The following UNC13B variants were observed in gnomAD, a reference collection of about 807,000 sequenced individuals.
The protein encoded by UNC13B is protein unc-13 homolog B.
A neutral mutation model predicts 211.0 loss-of-function variants in UNC13B; 144 were observed. That is an observed-to-expected ratio of 0.68 (90% CI 0.60 to 0.78). The LOEUF (loss-of-function observed/expected upper bound fraction) is 0.78. UNC13B is among the 30% of genes least tolerant of loss of function. The pLI, the probability that UNC13B is intolerant of heterozygous loss-of-function variation, is 0.00. For synonymous variants in UNC13B, 709 were observed against 725.8 expected, an observed-to-expected ratio of 0.98 and a Z score of 0.37; for missense variants, 1,777 against 2,002.0, an observed-to-expected ratio of 0.89 and a Z score of 2.14.
chr9:35,328,254 C>A (rs1159808594), intron 11 of UNC13B, among the ~76,000 whole-genome samples: 1 of 152,118 alleles, frequency 6.6e-6, no homozygotes, highest in African/African-American at 2.4e-5. Flanking sequence ...GAATTCCTGA[C>A]CTCAGGTGAT....
Position 35,382,380 on chromosome 9 carries a change from A to T in UNC13B, c.10679A>T (p.Lys3560Met). ...AGGCACTTTGCATGTTTATCATCCA[A>T]GTACATGTGTCCTGGTGTGCCAGCA... ...AMTHFACLSS[K>M]YMCPGVPAVM... The change falls in exon 21 of 40, where the codon AAG becomes ATG. Residue 3560 changes from lysine to methionine, a missense_variant. Physicochemically the swap from Lys to Met is moderately conservative, Grantham distance 95. Transcript: ENST00000635942. 6.2e-7 allele frequency: 1 copy of T among 1,613,482 alleles called. No individual in the cohort carries two copies. Among genetic ancestry groups the T allele is most frequent in the East Asian group, 2.2e-5 (1 of 44,866 alleles).
rs147375465 is a variant in UNC13B, at chr9:35,398,589, G to A, written c.11868G>A (p.Leu3956=). 1.5e-5 allele frequency: 24 copies of A among 1,614,032 alleles called. No individual in the cohort carries two copies. The highest frequency in any genetic ancestry group is 1.9e-5 in the Non-Finnish European group (22 of 1,180,018). The change falls in exon 32 of 40, where the codon CTG becomes CTA. Residue 3956 remains leucine, a synonymous_variant. Transcript: ENST00000635942. ...AAGCTGCAGACAGTCTGAAGGAGCT[G>A]CAGGTGAAACTGAATACGGTTCTGG... ...DLEAADSLKE[L]QVKLNTVLDE...
At chr9:35,295,544 T>C (rs1158692526) in intron 7 of UNC13B, 152 bp from the exon 8 acceptor site, 3 of 641,586 alleles carry the variant, frequency 4.7e-6, no homozygotes, top group South Asian at 1.9e-5. Flanking sequence ...ACAGTTCTGC[T>C]CATGGCTCTG....
At chr9:35,351,336 T>A in intron 11 of UNC13B, 2 of 1,223,462 alleles carry the variant, frequency 1.6e-6, no homozygotes, top group Non-Finnish European at 1.0e-6. Flanking sequence ...ATGTGCGAGG[T>A]TTGGAGGCCA....
Position 35,381,308 on chromosome 9 carries a change from G to A in UNC13B, c.10491+93G>A, listed in dbSNP as rs1834819989. 18 of 1,175,996 alleles carry A rather than the reference G, an allele frequency of 1.5e-5. No homozygotes were observed. In the South Asian group the frequency reaches 2.4e-4, roughly 16 times the overall value. 72.8% of individuals were successfully genotyped at this position (1,175,996 alleles called of 1,614,324 possible). A position where few individuals can be genotyped will look rare whatever the true frequency, so the allele number is the denominator to read the frequency against. On this transcript the variant is annotated intron_variant, in intron 19 of 39. Transcript: ENST00000635942. ...GATTGCTAGGTGGTTGGAATCCGAGGCCCATTTTAAATTTTATCCTTGATT... is the reference window on the plus strand; with the variant it reads ...GATTGCTAGGTGGTTGGAATCCGAGACCCATTTTAAATTTTATCCTTGATT...
chr9:35,275,365 A>C lies in UNC13B; in HGVS notation c.526+16315A>C, dbSNP rs184040056. Reference sequence around the variant, plus strand: ...TTAATTAAAATTAATTCATTTATTGAATAGGTAATATACTTTGTATAGGAG... The same window carrying C: ...TTAATTAAAATTAATTCATTTATTGCATAGGTAATATACTTTGTATAGGAG... On this transcript the variant is annotated intron_variant, in intron 7 of 39. Coordinates refer to ENST00000635942, the MANE Select transcript of UNC13B (RefSeq NM_001371189.2). 4.0e-3 allele frequency among the ~76,000 whole-genome samples: 611 copies of C among 152,290 alleles called. 2 individuals are homozygous for C. The highest frequency in any genetic ancestry group is 0.014 in the Middle Eastern group (4 of 294).
chr9:35,328,631 C>CCCTTCCCTTT (rs1487985389), intron 11 of UNC13B, among the ~76,000 whole-genome samples: 3 of 122,112 alleles, frequency 2.5e-5, no homozygotes, highest in African/African-American at 1.1e-4. Flanking sequence ...TTCCTTCCTT[C>CCCTTCCCTTT]CTTCCTTCCT....
chr9:35,214,377 A>G (rs1824138558), intron 1 of UNC13B, among the ~76,000 whole-genome samples: 1 of 152,186 alleles, frequency 6.6e-6, no homozygotes, highest in Non-Finnish European at 1.5e-5. Flanking sequence ...CAGTGAGTGG[A>G]GATCGCACCA....
At chr9:35,261,580 T>C (rs1214999550) in intron 7 of UNC13B, among the ~76,000 whole-genome samples, 2 of 152,182 alleles carry the variant, frequency 1.3e-5, no homozygotes. Context: ...AAATGGGGTA[T>C]CCATCACCTC....
chr9:35,363,787 A>T (rs907043151), intron 11 of UNC13B, among the ~76,000 whole-genome samples: 1 of 152,140 alleles, frequency 6.6e-6, no homozygotes, highest in East Asian at 1.9e-4. Flanking sequence ...TTATCCTGTT[A>T]TGGCTTGATC....
rs764610901 is a variant in UNC13B, at chr9:35,390,661, G to T, written c.11255G>T (p.Ser3752Ile). The T allele has an allele frequency of 1.9e-6, 3 of 1,614,156 alleles. No individual in the cohort carries two copies. Among genetic ancestry groups the T allele is most frequent in the Non-Finnish European group, 1.7e-6 (2 of 1,180,024 alleles). ...FPQELNVGKV[S>I]AEVMWHLFAQ... ...CAGGAGTTGAATGTGGGAAAAGTCAGCGCAGAAGTGATGTGGCATTTGTTT... is the reference window on the plus strand; with the variant it reads ...CAGGAGTTGAATGTGGGAAAAGTCATCGCAGAAGTGATGTGGCATTTGTTT... The change falls in exon 26 of 40, where the codon AGC becomes ATC. Residue 3752 changes from serine (S) to isoleucine (I), a missense_variant. Transcript: ENST00000635942.
At chr9:35,268,052 C>T (rs1297919517) in intron 7 of UNC13B, among the ~76,000 whole-genome samples, 1 of 152,180 alleles carries the variant, frequency 6.6e-6, no homozygotes, top group Non-Finnish European at 1.5e-5. Context: ...GAAAAGTACA[C>T]AGTTCACATC....
intron 13 of UNC13B, chr9:35,371,937 A>T (rs932893582): frequency 6.6e-6 from 1 of 152,624 alleles, no homozygotes; most frequent in African/African-American, 2.4e-5. Context: ...TACGCAGGCT[A>T]TGGTGAGTGT....
chr9:35,245,995 C>T (rs1405957265), intron 6 of UNC13B, among the ~76,000 whole-genome samples: 5 of 152,210 alleles, frequency 3.3e-5, no homozygotes, highest in Non-Finnish European at 7.3e-5. Context: ...TATTTCTCCA[C>T]ATCCTCTCCA....
intron 7 of UNC13B, chr9:35,291,150 C>T: frequency 6.6e-7 from 1 of 1,523,172 alleles, no homozygotes; most frequent in Non-Finnish European, 8.9e-7. Flanking sequence ...ATCTTACCCA[C>T]AAAGTACATA....
At chr9:35,320,566 C>G (rs531675341) in intron 11 of UNC13B, among the ~76,000 whole-genome samples, 1 of 152,282 alleles carries the variant, frequency 6.6e-6, no homozygotes, top group South Asian at 2.1e-4. Flanking sequence ...CAAAAATTCT[C>G]AGAGACTTTA....
Position 35,302,070 on chromosome 9 carries a change from A to C in UNC13B, c.2666A>C (p.Lys889Thr), listed in dbSNP as rs1829712319. 2.5e-6 allele frequency: 1 copy of C among 398,606 alleles called. No individual in the cohort carries two copies. The highest frequency in any genetic ancestry group is 4.4e-6 in the Non-Finnish European group (1 of 225,820). 24.7% of individuals were successfully genotyped at this position (398,606 alleles called of 1,614,324 possible). A position where few individuals can be genotyped will look rare whatever the true frequency, so the allele number is the denominator to read the frequency against. The change falls in exon 9 of 40, where the codon AAA (lysine) becomes ACA (threonine). Residue 889 changes from lysine to threonine, a missense_variant. Lys to Thr is a moderately conservative substitution (Grantham distance 78). Coordinates refer to ENST00000635942, the MANE Select transcript of UNC13B (RefSeq NM_001371189.2). ...AAAGGAAGCATTTTTCCTTTGTTTAAATTTTCTTTCACTGACAGCAAGGTT... is the reference window on the plus strand; with the variant it reads ...AAAGGAAGCATTTTTCCTTTGTTTACATTTTCTTTCACTGACAGCAAGGTT... The part of the protein sequence containing the change: ...KEKGSIFPLF[K>T]FSFTDSKVTV...
chr9:35,311,409 T>C (rs1227397285), intron 10 of UNC13B, among the ~76,000 whole-genome samples: 1 of 152,204 alleles, frequency 6.6e-6, no homozygotes, highest in African/African-American at 2.4e-5. Context: ...TTTCATCCAC[T>C]GGGGCTGTGG....
Position 35,313,944 on chromosome 9 carries a change from A to C in UNC13B, c.9369A>C (p.Ala3123=). The part of the protein sequence containing the change: ...NASSPFTQAR[A]HWIRAVTKVR... ...CTTCACCATTTACCCAAGCCAGAGCACATTGGATCCGAGCAGTTACCAAGG... is the reference window on the plus strand; with the variant it reads ...CTTCACCATTTACCCAAGCCAGAGCCCATTGGATCCGAGCAGTTACCAAGG... The change falls in exon 11 of 40, where the codon GCA becomes GCC. Residue 3123 remains alanine (A), a synonymous_variant. Transcript: ENST00000635942. 6.2e-7 allele frequency: 1 copy of C among 1,614,002 alleles called. No individual in the cohort carries two copies. Among genetic ancestry groups the C allele is most frequent in the Non-Finnish European group, 8.5e-7 (1 of 1,179,894 alleles).
Sources: allele counts gnomAD v4.1 joint callset (sites outside exome capture counted in the v4.1 genomes callset), GRCh38; gene constraint gnomAD v4.1.1; transcripts MANE v1.5; gene names NCBI Gene and HGNC (gene_info 2026-07-23, HGNC 2026-07-21).